The following NSF variants were observed in gnomAD, a reference collection of about 807,000 sequenced individuals.
NSF encodes the protein N-ethylmaleimide sensitive factor, vesicle fusing ATPase, also known as vesicle-fusing ATPase.
Under a neutral mutation model 50.3 loss-of-function variants are expected in NSF, and 14 were observed. That is an observed-to-expected ratio of 0.28 (90% CI 0.18 to 0.44). NSF has a LOEUF of 0.44. Among genes scored for constraint, NSF ranks in the 20% least tolerant of loss-of-function variants. The pLI is 1.00. For synonymous variants in NSF, 109 were observed against 175.7 expected (o/e 0.62, Z 3.00); for missense variants, 218 against 504.3 (o/e 0.43, Z 5.44).
At chr17:46,716,261 CT>C (rs56755526) in intron 15 of NSF, among the ~76,000 whole-genome samples, 49 of 143,718 alleles carry the variant, frequency 3.4e-4, no homozygotes, top group Admixed American at 5.5e-4. Flanking sequence ...CTTGCCCCTC[CT>C]TTTTTTTTTT....
chr17:46,748,752 A>G (rs2059154949), intron 17 of NSF, among the ~76,000 whole-genome samples: 1 of 152,230 alleles, frequency 6.6e-6, no homozygotes. Context: ...GTGTTTGAAC[A>G]TACTGAAAGG....
At chr17:46,750,090 T>A (rs1435800986) in intron 18 of NSF, among the ~76,000 whole-genome samples, 183 bp downstream of exon 18, 1 of 152,194 alleles carries the variant, frequency 6.6e-6, no homozygotes. Context: ...CGGTGGCTTA[T>A]GCCTGTAATC....
chr17:46,718,483 A>G (rs1327444922), intron 15 of NSF, among the ~76,000 whole-genome samples: 1 of 152,252 alleles, frequency 6.6e-6, no homozygotes, highest in African/African-American at 2.4e-5. Flanking sequence ...AAAATGGTGC[A>G]TGTACTCCAT....
chr17:46,729,532 A>G (rs1021191024), intron 17 of NSF, among the ~76,000 whole-genome samples: 3 of 83,776 alleles, frequency 3.6e-5, no homozygotes, highest in African/African-American at 1.3e-4. Flanking sequence ...AAACCAACCT[A>G]TGAAGGTTGG....
intron 17 of NSF, among the ~76,000 whole-genome samples, chr17:46,729,703 G>C (rs1043071586): frequency 6.6e-6 from 1 of 152,120 alleles, no homozygotes; most frequent in Non-Finnish European, 1.5e-5. Context: ...CTTAATGTCT[G>C]TATGAGAATC....
At chr17:46,752,026 C>T (rs571872820) in intron 19 of NSF, among the ~76,000 whole-genome samples, 14 of 152,268 alleles carry the variant, frequency 9.2e-5, no homozygotes, top group African/African-American at 2.9e-4. Flanking sequence ...AGTCAGTAAG[C>T]GACTGCACAT....
intron 19 of NSF, among the ~76,000 whole-genome samples, chr17:46,752,213 C>T (rs1250471977): frequency 3.9e-5 from 6 of 152,204 alleles, no homozygotes; most frequent in African/African-American, 1.4e-4. Context: ...GCTGCCTGGG[C>T]AAAGACAGAT....
At chr17:46,738,963 C>T (rs568219949) in intron 17 of NSF, among the ~76,000 whole-genome samples, 12 of 151,842 alleles carry the variant, frequency 7.9e-5, no homozygotes, top group Middle Eastern at 6.3e-3. Context: ...AGTCCAGGCA[C>T]GGTGGCTCAC....
In NSF at chr17:46,713,960, A is replaced by C. The variant is rs753364460; in HGVS notation, c.1735A>C (p.Thr579Pro). Reference sequence around the variant, plus strand: ...TGATAAAATGATTGGCTTTTCTGAAACAGCCAAATGTCAGGCCATGAAGAA... The same window carrying C: ...TGATAAAATGATTGGCTTTTCTGAACCAGCCAAATGTCAGGCCATGAAGAA... The part of the protein sequence containing the change: ...SPDKMIGFSE[T>P]AKCQAMKKIF... The change falls in exon 15 of 21, where the codon ACA becomes CCA. Residue 579 changes from threonine to proline, a missense_variant. Thr to Pro is a conservative substitution (Grantham distance 38, BLOSUM62 -1). Coordinates refer to ENST00000398238, the MANE Select transcript of NSF (RefSeq NM_006178.4). 11 of 1,605,856 alleles carry C rather than the reference A, an allele frequency of 6.8e-6. No individual in the cohort carries two copies. The highest frequency in any genetic ancestry group is 9.3e-6 in the Non-Finnish European group (11 of 1,178,200).
chr17:46,733,450 A>T (rs1179504573), intron 17 of NSF, among the ~76,000 whole-genome samples: 1 of 152,122 alleles, frequency 6.6e-6, no homozygotes, highest in Non-Finnish European at 1.5e-5. Context: ...GAGAGTAGTT[A>T]AGCCTATTAA....
At position 46,715,807 on chromosome 17, in the gene NSF, C is replaced by G. The variant is rs6504957; in HGVS notation, c.1761+1821C>G. Among the ~76,000 whole-genome samples, 965 of 152,196 alleles carry G rather than the reference C, an allele frequency of 6.3e-3. 12 individuals carry two copies. Among genetic ancestry groups the G allele is most frequent in the African/African-American group, 0.022 (915 of 41,520 alleles). On this transcript the variant is annotated intron_variant, in intron 15 of 20. Coordinates refer to ENST00000398238, the MANE Select transcript of NSF (RefSeq NM_006178.4). ...TTATTTAATCTTCAAATTGTTGAAG[C>G]CTTTCAAGGTAGAGTTTCAGATGAG...
At chr17:46,718,784 T>G (rs953330828) in intron 15 of NSF, among the ~76,000 whole-genome samples, 3 of 152,218 alleles carry the variant, frequency 2.0e-5, no homozygotes, top group Non-Finnish European at 4.4e-5. Flanking sequence ...AGATGGTAAT[T>G]TCTGTAAAGT....
chr17:46,750,740 G>A (rs2059174311), intron 18 of NSF, among the ~76,000 whole-genome samples: 1 of 152,068 alleles, frequency 6.6e-6, no homozygotes, highest in African/African-American at 2.4e-5. Context: ...GGTGGTGTGG[G>A]GGTAAGGTAA....
intron 16 of NSF, 124 bp from the exon 17 acceptor site, chr17:46,728,731 A>G (rs1454618861): frequency 1.9e-5 from 10 of 535,138 alleles, no homozygotes; most frequent in Admixed American, 3.6e-5. Context: ...TTCTTATTCT[A>G]TACATATTCT....
chr17:46,622,581 G>A (rs1462876055), intron 1 of NSF, among the ~76,000 whole-genome samples: 5 of 147,732 alleles, frequency 3.4e-5, no homozygotes, highest in African/African-American at 1.0e-4. Flanking sequence ...TCAGGAGTTC[G>A]AGACCAGCCT....
chr17:46,738,926 A>G (rs987500765), intron 17 of NSF, among the ~76,000 whole-genome samples: 1 of 148,882 alleles, frequency 6.7e-6, no homozygotes, highest in African/African-American at 2.5e-5. Flanking sequence ...ATATGGCAAA[A>G]CCCCATCTCT....
At chr17:46,708,819 TATA>T (rs1402866898) in intron 13 of NSF, among the ~76,000 whole-genome samples, 3 of 109,374 alleles carry the variant, frequency 2.7e-5, no homozygotes, top group Non-Finnish European at 3.5e-5. Flanking sequence ...TATATATATA[TATA>T]TTTTTTTTTT....
intron 14 of NSF, 64 bp downstream of exon 14, chr17:46,711,183 C>T (rs1348070150): frequency 7.2e-7 from 1 of 1,381,152 alleles, no homozygotes. Context: ...TTTTAAAAGC[C>T]CGTAAGCACA....
chr17:46,717,384 A>T (rs1055084842), intron 15 of NSF, among the ~76,000 whole-genome samples: 1 of 152,122 alleles, frequency 6.6e-6, no homozygotes, highest in East Asian at 1.9e-4. Flanking sequence ...AAGTAATAAG[A>T]TCTAGTGTTG....
Sources: allele counts gnomAD v4.1 joint callset (sites outside exome capture counted in the v4.1 genomes callset), GRCh38; gene constraint gnomAD v4.1.1; transcripts MANE v1.5; gene names NCBI Gene and HGNC (gene_info 2026-07-23, HGNC 2026-07-21).